UGGT1: variants seen among roughly 807,000 people sequenced by gnomAD.
The protein encoded by UGGT1 is UDP-glucose:glycoprotein glucosyltransferase 1.
UGGT1 carries 107 observed loss-of-function variants against 203.9 expected under a neutral mutation model. The ratio of observed to expected loss-of-function variants is 0.52; its 90% CI spans 0.45 to 0.62. The LOEUF is 0.62. Among genes scored for constraint, UGGT1 ranks in the 20% least tolerant of loss-of-function variants. The pLI, the probability that UGGT1 is intolerant of heterozygous loss-of-function variation, is 0.00. For missense variants in UGGT1, 1,673 were observed against 1,867.2 expected, an observed-to-expected ratio of 0.90 and a Z score of 1.92; for synonymous variants, 628 against 653.5, an observed-to-expected ratio of 0.96 and a Z score of 0.59.
intron 25 of UGGT1, among the ~76,000 whole-genome samples, chr2:128,164,419 G>T (rs1690680227): frequency 6.6e-6 from 1 of 152,266 alleles, no homozygotes; most frequent in East Asian, 1.9e-4. Context: ...GTTTTAAAAG[G>T]ACAAGGGAGA....
At chr2:128,127,612 G>C (rs1478856141) in intron 12 of UGGT1, among the ~76,000 whole-genome samples, 160 bp downstream of exon 12, 1 of 152,188 alleles carries the variant, frequency 6.6e-6, no homozygotes, top group Non-Finnish European at 1.5e-5. Flanking sequence ...TGCCATGATG[G>C]GTAGGCAGGA....
chr2:128,180,022 C>T, intron 35 of UGGT1, 152 bp downstream of exon 35: 2 of 655,082 alleles, frequency 3.1e-6, no homozygotes, highest in Non-Finnish European at 5.1e-6. Context: ...GATTATTCTT[C>T]CAGATTGGTC....
intron 11 of UGGT1, among the ~76,000 whole-genome samples, chr2:128,124,679 C>A (rs1688529020): frequency 1.2e-5 from 1 of 80,138 alleles, no homozygotes; most frequent in African/African-American, 4.2e-5. Context: ...CTATTCTTTT[C>A]TCTTTTTCAA....
chr2:128,149,635 T>C (rs1377829024), intron 18 of UGGT1, among the ~76,000 whole-genome samples: 3 of 150,040 alleles, frequency 2.0e-5, no homozygotes, highest in African/African-American at 7.3e-5. Context: ...TAGCTGGACA[T>C]GGTGGCGGGC....
intron 19 of UGGT1, among the ~76,000 whole-genome samples, chr2:128,153,967 T>C (rs913191781): frequency 2.0e-5 from 3 of 152,118 alleles, no homozygotes; most frequent in East Asian, 1.9e-4. Context: ...AATGAACATA[T>C]CAATCTATTT....
chr2:128,105,220 T>C (rs1038453578), intron 3 of UGGT1, among the ~76,000 whole-genome samples: 6 of 151,502 alleles, frequency 4.0e-5, no homozygotes, highest in African/African-American at 1.4e-4. Flanking sequence ...TTTATTAAAA[T>C]AATTCATATT....
At chr2:128,157,104 A>G (rs1365359810) in intron 21 of UGGT1, 148 bp from the exon 22 acceptor site, 11 of 637,512 alleles carry the variant, frequency 1.7e-5, no homozygotes, top group Non-Finnish European at 3.0e-5. Context: ...AAGGTTTACG[A>G]CTTTTTCTTC....
chr2:128,158,133 A>T (rs960692861), intron 22 of UGGT1, among the ~76,000 whole-genome samples: 1 of 152,220 alleles, frequency 6.6e-6, no homozygotes, highest in African/African-American at 2.4e-5. Context: ...GGCGATAGTT[A>T]TATGTGAAAG....
chr2:128,162,549 C>T, intron 25 of UGGT1, among the ~76,000 whole-genome samples: 1 of 152,012 alleles, frequency 6.6e-6, no homozygotes, highest in East Asian at 1.9e-4. Context: ...TCAGCTGTTG[C>T]CATGTCTTGT....
At position 128,163,917 on chromosome 2, in the gene UGGT1, A is replaced by G. The variant is rs187352576; in HGVS notation, c.2826-813A>G. 4.4e-3 allele frequency among the ~76,000 whole-genome samples: 666 copies of G among 152,250 alleles called. 6 individuals are homozygous for G. Among genetic ancestry groups the G allele is most frequent in the African/African-American group, 0.014 (577 of 41,534 alleles). ...AAATAGGCTGGGCACGGTGGCTCACACCTGTAATCCCAGCACTTTGGGAGG... is the reference window on the plus strand; with the variant it reads ...AAATAGGCTGGGCACGGTGGCTCACGCCTGTAATCCCAGCACTTTGGGAGG... On this transcript the variant is annotated intron_variant, in intron 25 of 40. Coordinates refer to ENST00000259253, the MANE Select transcript of UGGT1 (RefSeq NM_020120.4).
chr2:128,168,762 G>A (rs1467321679), intron 26 of UGGT1, among the ~76,000 whole-genome samples: 1 of 152,156 alleles, frequency 6.6e-6, no homozygotes, highest in Non-Finnish European at 1.5e-5. Context: ...GAACAGACAA[G>A]GGGGCTGGGC....
In UGGT1 at chr2:128,178,496, G is replaced by T; in HGVS notation, c.3742G>T (p.Val1248Leu). 1 of 1,613,894 alleles carries T rather than the reference G, an allele frequency of 6.2e-7. No individual in the cohort carries two copies. Among genetic ancestry groups the T allele is most frequent in the South Asian group, 1.1e-5 (1 of 91,066 alleles). ...CTTTACAGGACAGAAGACTGAGGAA[G>T]TGAAGCAAGATAAAGATGACATAAT... ...WGFTGQKTEE[V>L]KQDKDDIINI... is the part of the protein sequence containing the mutation. The change falls in exon 34 of 41, where the codon GTG becomes TTG. Residue 1248 changes from valine (V) to leucine (L), a missense_variant. By Grantham distance (32) the Val-to-Leu change is conservative (BLOSUM62 1). This residue lies in a region of UGGT1 where 513 missense variants were observed against 684.1 expected (regional missense o/e 0.75). Coordinates refer to ENST00000259253, the MANE Select transcript of UGGT1 (RefSeq NM_020120.4).
At chr2:128,169,424 C>A (rs1230079892) in intron 26 of UGGT1, among the ~76,000 whole-genome samples, 2 of 152,144 alleles carry the variant, frequency 1.3e-5, no homozygotes, top group Non-Finnish European at 2.9e-5. Context: ...TAACTTAATG[C>A]TGACGAAGGA....
chr2:128,160,624 A>G, intron 24 of UGGT1, 33 bp downstream of exon 24: 1 of 1,590,644 alleles, frequency 6.3e-7, no homozygotes, highest in Non-Finnish European at 8.6e-7. Context: ...TTCACATTAG[A>G]TCCGTGAACA....
chr2:128,133,905 T>C (rs1689001673), intron 14 of UGGT1, among the ~76,000 whole-genome samples: 1 of 152,040 alleles, frequency 6.6e-6, no homozygotes, highest in Non-Finnish European at 1.5e-5. Context: ...TTGGCCCACT[T>C]TTTCCCTCTC....
Position 128,122,860 on chromosome 2 carries a change from G to A in UGGT1, c.1074-326G>A, listed in dbSNP as rs1052518905. Among the ~76,000 whole-genome samples, 4 of 152,198 alleles carry A rather than the reference G, an allele frequency of 2.6e-5. 1 individual carries two copies. The East Asian group carries it at 7.7e-4, about 29-fold the overall frequency. The stretch of plus-strand genomic sequence containing the variant: ...GCTTAAGTGGGAAGAGCAATCTGCT[G>A]CCTTGGTGTATTCAACATTATCCTT... On this transcript the variant is annotated intron_variant, in intron 10 of 40. Transcript: ENST00000259253.
chr2:128,164,894 T>C, intron 26 of UGGT1, 69 bp downstream of exon 26: 1 of 1,182,758 alleles, frequency 8.5e-7, no homozygotes, highest in Non-Finnish European at 1.2e-6. Context: ...TTACCTCAGC[T>C]CCTTCATTTT....
At chr2:128,153,998 C>T (rs1690105864) in intron 19 of UGGT1, among the ~76,000 whole-genome samples, 1 of 152,100 alleles carries the variant, frequency 6.6e-6, no homozygotes, top group East Asian at 1.9e-4. Context: ...ACGTAATGCA[C>T]TATCTCTAAT....
At chr2:128,167,152 G>A (rs187569008) in intron 26 of UGGT1, among the ~76,000 whole-genome samples, 2 of 152,096 alleles carry the variant, frequency 1.3e-5, no homozygotes, top group African/African-American at 2.4e-5. Context: ...AGTCACCAGC[G>A]GGAGGAAACC....
Sources: gnomAD v4.1 joint callset for allele counts (sites outside exome capture counted in the v4.1 genomes callset) on GRCh38, gnomAD v4.1.1 for gene constraint, gnomAD v4.1.1 regional missense constraint, MANE v1.5 for transcripts, NCBI Gene and HGNC (gene_info 2026-07-23, HGNC 2026-07-21) for gene names.